The following COQ7 variants were observed in gnomAD, a reference collection of about 807,000 sequenced individuals.
COQ7 encodes the protein NADPH-dependent 3-demethoxyubiquinone 3-hydroxylase, mitochondrial.
A neutral mutation model predicts 25.0 loss-of-function variants in COQ7; 21 were observed. That is an observed-to-expected ratio of 0.84 (90% confidence interval 0.60 to 1.21). The LOEUF (loss-of-function observed/expected upper bound fraction) is 1.21, where lower values mean the gene tolerates loss of function less well. Ranked by LOEUF, COQ7 falls within the 50% of genes most tolerant of loss-of-function variation. COQ7 has a pLI of 0.00. For synonymous variants in COQ7, 125 were observed against 112.4 expected, an observed-to-expected ratio of 1.11 and a Z score of -0.71; for missense variants, 311 against 296.2, an observed-to-expected ratio of 1.05 and a Z score of -0.37.
At chr16:19,077,035 C>T (rs550357222) in intron 4 of COQ7, among the ~76,000 whole-genome samples, 1 of 152,356 alleles carries the variant, frequency 6.6e-6, no homozygotes, top group Non-Finnish European at 1.5e-5. Context: ...CTGAGGTTGG[C>T]AAACTATGGC....
Position 19,071,958 on chromosome 16 carries a change from G to A in COQ7, c.104G>A (p.Arg35His), listed in dbSNP as rs772432536. 45 of 1,614,096 alleles carry A rather than the reference G, an allele frequency of 2.8e-5. No individual in the cohort carries two copies. The Admixed American group carries it at 5.8e-4, about 21-fold the overall frequency. The part of the protein sequence containing the change: ...AYGRRTSVRF[R>H]SSGMTLDNIS... ...GGAAGAAGAACCAGTGTCAGATTTCGCAGTTCAGGAATGACTTTAGACAAT... is the reference window on the plus strand; with the variant it reads ...GGAAGAAGAACCAGTGTCAGATTTCACAGTTCAGGAATGACTTTAGACAAT... The change falls in exon 2 of 6, where the codon CGC (arginine) becomes CAC (histidine). Residue 35 changes from arginine (R) to histidine (H), a missense_variant. Arg to His is a conservative substitution (Grantham distance 29). Coordinates refer to ENST00000321998, the MANE Select transcript of COQ7 (RefSeq NM_016138.5).
downstream of COQ7, among the ~76,000 whole-genome samples, chr16:19,080,359 GAC>G (rs1963070068): frequency 6.6e-6 from 1 of 152,206 alleles, no homozygotes. Context: ...AAAGGCAAGA[GAC>G]AAATTGTTTG....
At chr16:19,068,325 C>T in intron 1 of COQ7, 7 of 990,176 alleles carry the variant, frequency 7.1e-6, no homozygotes, top group Non-Finnish European at 8.4e-6. Flanking sequence ...ACCCTGGTTC[C>T]TGCTTTCCTT....
At chr16:19,073,434 G>T (rs987900324) in intron 2 of COQ7, among the ~76,000 whole-genome samples, 3 of 152,226 alleles carry the variant, frequency 2.0e-5, no homozygotes, top group Non-Finnish European at 4.4e-5. Context: ...TTGAGGCTGC[G>T]GTGAGCCATG....
downstream of COQ7, among the ~76,000 whole-genome samples, chr16:19,082,118 T>C (rs6497323): frequency 0.92 from 140,854 of 152,276 alleles, 65,552 homozygotes; most frequent in Non-Finnish European, 0.97. Flanking sequence ...CATCAACTGA[T>C]GAACAAAATG....
chr16:19,074,040 G>T lies in COQ7; in HGVS notation c.367+5G>T, dbSNP rs754900287. On this transcript the variant is annotated splice_donor_5th_base_variant and intron_variant, in intron 3 of 5. Transcript: ENST00000321998. Reference sequence around the variant, plus strand: ...ACGTGCTGGGGTTTGCACTGGGTACGTGTCTCTCTAGAAGAGCTTATGCAA... The same window carrying T: ...ACGTGCTGGGGTTTGCACTGGGTACTTGTCTCTCTAGAAGAGCTTATGCAA... The T allele has an allele frequency of 1.2e-6, 2 of 1,606,876 alleles. No homozygotes were observed. Among genetic ancestry groups the T allele is most frequent in the Non-Finnish European group, 1.7e-6 (2 of 1,174,660 alleles).
chr16:19,082,215 ATAT>A (rs1387189307), downstream of COQ7, among the ~76,000 whole-genome samples: 2 of 152,232 alleles, frequency 1.3e-5, no homozygotes, highest in Non-Finnish European at 2.9e-5. Flanking sequence ...AACCTTAAAA[ATAT>A]TATGCTTGGG....
chr16:19,082,611 C>A (rs1963115763), downstream of COQ7, among the ~76,000 whole-genome samples: 1 of 152,040 alleles, frequency 6.6e-6, no homozygotes, highest in African/African-American at 2.4e-5. Context: ...TGGTGAAACC[C>A]CGTCTCTACT....
rs11074359 is a variant in COQ7 at position 19,073,976 on chromosome 16, C to T, written c.308C>T (p.Thr103Met). The T allele has an allele frequency of 0.63, 1,015,943 of 1,612,212 alleles. 325,810 individuals are homozygous for T. Among genetic ancestry groups the T allele is most frequent in the East Asian group, 0.82 (36,960 of 44,828 alleles). Residue 103 changes from threonine to methionine, a missense_variant, in exon 3 of 6, where the codon ACG (threonine) becomes ATG (methionine). Physicochemically the swap from Thr to Met is moderately conservative, Grantham distance 81. Transcript: ENST00000321998. ...HLKKFNELMV[T>M]FRVRPTVLMP... is the part of the protein sequence containing the mutation. ...AAAAAGTTCAATGAGTTGATGGTTACGTTCAGGGTCCGGCCAACAGTTCTG... is the reference window on the plus strand; with the variant it reads ...AAAAAGTTCAATGAGTTGATGGTTATGTTCAGGGTCCGGCCAACAGTTCTG...
At chr16:19,081,710 GT>G (rs1963102285), downstream of COQ7, among the ~76,000 whole-genome samples, 1 of 152,162 alleles carries the variant, frequency 6.6e-6, no homozygotes, top group South Asian at 2.1e-4. Context: ...TAAGACTAAA[GT>G]TTATTTTGCA....
chr16:19,067,663 C>G lies in COQ7; in HGVS notation c.-2C>G. ...AAGTGGTTGCTTTTTTTAGTTCCGG[C>G]AATGAGTTGCGCCGGGGCGGCGGCG... On this transcript the variant is annotated 5_prime_UTR_variant, in exon 1 of 6. Coordinates refer to ENST00000321998, the MANE Select transcript of COQ7 (RefSeq NM_016138.5). 6.2e-7 allele frequency: 1 copy of G among 1,613,348 alleles called. No individual in the cohort carries two copies. The highest frequency in any genetic ancestry group is 8.5e-7 in the Non-Finnish European group (1 of 1,179,664).
chr16:19,081,938 T>C (rs1206023598), downstream of COQ7, among the ~76,000 whole-genome samples: 4 of 152,098 alleles, frequency 2.6e-5, no homozygotes, highest in Non-Finnish European at 5.9e-5. Context: ...TCTGGATCAA[T>C]ATTCTAGAGG....
intron 5 of COQ7, among the ~76,000 whole-genome samples, 184 bp from the exon 6 acceptor site, chr16:19,077,897 T>C (rs1391016022): frequency 3.3e-5 from 5 of 152,180 alleles, no homozygotes; most frequent in African/African-American, 1.2e-4. Flanking sequence ...ATGACTCCAA[T>C]GCTTTGGCAG....
Position 19,078,183 on chromosome 16 carries a change from T to C in COQ7, c.*25T>C. 1 of 1,570,780 alleles carries C rather than the reference T, an allele frequency of 6.4e-7. No homozygotes were observed. The highest frequency in any genetic ancestry group is 2.3e-5 in the East Asian group (1 of 43,908). ...AAGTGTGTCCAGTTTTGCCTGTCTA[T>C]AAAAGATGATAGTAATTTACCAAGT... On this transcript the variant is annotated 3_prime_UTR_variant, in exon 6 of 6. Coordinates refer to ENST00000321998, the MANE Select transcript of COQ7 (RefSeq NM_016138.5).
intron 2 of COQ7, chr16:19,072,375 AG>A: frequency 2.2e-6 from 1 of 464,636 alleles, no homozygotes; most frequent in South Asian, 2.7e-5. Flanking sequence ...TAATGAAAAA[AG>A]GTTAAGAATC....
chr16:19,074,239 A>T (rs1962716409), intron 3 of COQ7: 1 of 446,500 alleles, frequency 2.2e-6, no homozygotes, highest in African/African-American at 2.0e-5. Context: ...TACTTTAAAA[A>T]AAAAGGCCGG....
At chr16:19,075,902 A>G (rs1340669150) in intron 4 of COQ7, 42 bp downstream of exon 4, 43 of 1,613,026 alleles carry the variant, frequency 2.7e-5, no homozygotes, top group Non-Finnish European at 3.2e-5. Flanking sequence ...CAAGGAGGAA[A>G]ATGGCAGATA....
At chr16:19,076,585 CTTTTTTTTT>C (rs67725348) in intron 4 of COQ7, among the ~76,000 whole-genome samples, 1 of 80,524 alleles carries the variant, frequency 1.2e-5, no homozygotes, top group African/African-American at 5.1e-5. Flanking sequence ...GTGCTGTTCA[CTTTTTTTTT>C]TTTTTTTTTT....
At chr16:19,082,581 C>A (rs911519176), downstream of COQ7, among the ~76,000 whole-genome samples, 1 of 151,922 alleles carries the variant, frequency 6.6e-6, no homozygotes, top group Non-Finnish European at 1.5e-5. Flanking sequence ...GTCAGGAGTT[C>A]AAGACCAGCC....
Sources: allele counts gnomAD v4.1 joint callset (sites outside exome capture counted in the v4.1 genomes callset), GRCh38; gene constraint gnomAD v4.1.1; transcripts MANE v1.5; gene names NCBI Gene and HGNC (gene_info 2026-07-23, HGNC 2026-07-21).